Variants in CCBE1 observed in about 807,000 individuals in gnomAD.
The protein encoded by CCBE1 is collagen and calcium binding EGF domains 1.
In CCBE1, 37 loss-of-function variants were observed where a neutral mutation model predicts 50.0. The ratio of observed to expected loss-of-function variants is 0.74; its 90% confidence interval spans 0.57 to 0.97. CCBE1 has a LOEUF of 0.97. Ranked by LOEUF, CCBE1 falls within the 50% of genes least tolerant of loss-of-function variation. The pLI is 0.00. For missense variants in CCBE1, 538 were observed against 523.8 expected (o/e 1.03, Z -0.26); for synonymous variants, 234 against 203.7 (o/e 1.15, Z -1.27).
intron 2 of CCBE1, among the ~76,000 whole-genome samples, chr18:59,622,916 T>C (rs2144609775): frequency 6.6e-6 from 1 of 151,224 alleles, no homozygotes. Context: ...GAGGAAACAC[T>C]CTGGATGATA....
intron 2 of CCBE1, among the ~76,000 whole-genome samples, chr18:59,551,383 G>A (rs2144416115): frequency 6.6e-6 from 1 of 152,332 alleles, no homozygotes; most frequent in African/African-American, 2.4e-5. Context: ...AGAATCTCTG[G>A]ATGGGTGAGT....
rs559775207 is a variant in CCBE1, at chr18:59,505,361, C to T, written c.213-25123G>A. Reference sequence around the variant, plus strand: ...CTGAGGCCACAGGCTTATTAACTAACCTGTGAAATGTTCATCATGATAAAG... The same window carrying T: ...CTGAGGCCACAGGCTTATTAACTAATCTGTGAAATGTTCATCATGATAAAG... On this transcript the variant is annotated intron_variant, in intron 2 of 10. Transcript: ENST00000439986. Among the ~76,000 whole-genome samples, 27 of 152,292 alleles carry T rather than the reference C, an allele frequency of 1.8e-4. No individual in the cohort carries two copies. The South Asian group carries it at 5.0e-3, about 28-fold the overall frequency.
At chr18:59,598,759 A>G (rs916311322) in intron 2 of CCBE1, among the ~76,000 whole-genome samples, 6 of 152,198 alleles carry the variant, frequency 3.9e-5, no homozygotes, top group African/African-American at 1.2e-4. Context: ...TCAGATGGGC[A>G]TATGTCCCAA....
intron 5 of CCBE1, among the ~76,000 whole-genome samples, chr18:59,456,765 G>A (rs1481398152): frequency 6.6e-6 from 1 of 152,208 alleles, no homozygotes; most frequent in Non-Finnish European, 1.5e-5. Flanking sequence ...CGACTGCCCA[G>A]TCCTCTTCCT....
At chr18:59,469,097 T>C (rs1911897301) in intron 4 of CCBE1, among the ~76,000 whole-genome samples, 4 of 152,220 alleles carry the variant, frequency 2.6e-5, no homozygotes, top group Non-Finnish European at 5.9e-5. Flanking sequence ...CTGTCTGCCA[T>C]ATGGCTACTT....
intron 2 of CCBE1, among the ~76,000 whole-genome samples, chr18:59,644,701 CT>C (rs2054032357): frequency 6.6e-6 from 1 of 152,106 alleles, no homozygotes; most frequent in Non-Finnish European, 1.5e-5. Flanking sequence ...CACATGCCCC[CT>C]AATACCTCCT....
intron 3 of CCBE1, 94 bp downstream of exon 3, chr18:59,480,092 G>C: frequency 1.1e-6 from 1 of 876,628 alleles, no homozygotes; most frequent in South Asian, 1.5e-5. Context: ...ATCAGACACA[G>C]ATAAGACCTA....
chr18:59,683,254 T>C (rs1408473360), intron 2 of CCBE1, among the ~76,000 whole-genome samples: 1 of 152,154 alleles, frequency 6.6e-6, no homozygotes, highest in Admixed American at 6.5e-5. Flanking sequence ...AACGCAGACA[T>C]CACCTCAATG....
intron 2 of CCBE1, among the ~76,000 whole-genome samples, chr18:59,498,269 T>C (rs1472444828): frequency 1.3e-5 from 2 of 152,316 alleles, no homozygotes; most frequent in Middle Eastern, 3.4e-3. Flanking sequence ...TGATAAATTA[T>C]ACAATTTGAT....
chr18:59,529,171 C>T (rs1914948803), intron 2 of CCBE1, among the ~76,000 whole-genome samples: 1 of 132,920 alleles, frequency 7.5e-6, no homozygotes, highest in Non-Finnish European at 1.7e-5. Context: ...GCTGGAGTTG[C>T]TGAAATCCCC....
intron 2 of CCBE1, among the ~76,000 whole-genome samples, chr18:59,678,335 G>C (rs923469589): frequency 8.5e-5 from 13 of 152,270 alleles, no homozygotes; most frequent in African/African-American, 3.1e-4. Context: ...GGGATTGTTT[G>C]ATTCTAACTG....
intron 2 of CCBE1, among the ~76,000 whole-genome samples, chr18:59,602,896 T>C (rs1261503442): frequency 1.3e-5 from 2 of 152,250 alleles, no homozygotes; most frequent in Non-Finnish European, 2.9e-5. Context: ...GGGATCAGAC[T>C]CCAGCTTCAC....
In CCBE1 at chr18:59,462,083, G is replaced by A. The variant is rs569336509; in HGVS notation, c.553+4656C>T. Among the ~76,000 whole-genome samples the A allele has an allele frequency of 2.6e-5, 4 of 152,192 alleles. No individual in the cohort carries two copies. The East Asian group carries it at 7.7e-4, about 29-fold the overall frequency. ...GTTTTGAATGACAGTAAAGCTCAAT[G>A]ATATAACCAGCAGAATGCTCTTGAT... On this transcript the variant is annotated intron_variant, in intron 5 of 10. Coordinates refer to ENST00000439986, the MANE Select transcript of CCBE1 (RefSeq NM_133459.4).
At chr18:59,556,987 GA>G (rs2052665651) in intron 2 of CCBE1, among the ~76,000 whole-genome samples, 5 of 150,136 alleles carry the variant, frequency 3.3e-5, no homozygotes, top group Non-Finnish European at 7.4e-5. Flanking sequence ...TCTTGTGTGT[GA>G]TTTGGAAGAT....
intron 2 of CCBE1, among the ~76,000 whole-genome samples, chr18:59,680,736 C>A (rs1326334806): frequency 1.3e-5 from 2 of 151,408 alleles, no homozygotes; most frequent in African/African-American, 4.8e-5. Flanking sequence ...CAAAACAAAA[C>A]AAAAATGAAG....
At chr18:59,593,451 C>G (rs2053304039) in intron 2 of CCBE1, among the ~76,000 whole-genome samples, 2 of 152,206 alleles carry the variant, frequency 1.3e-5, no homozygotes, top group Non-Finnish European at 2.9e-5. Context: ...GTAATGCATT[C>G]CAGTACCAAC....
intron 2 of CCBE1, among the ~76,000 whole-genome samples, chr18:59,678,567 C>G (rs145132376): frequency 6.6e-6 from 1 of 152,282 alleles, no homozygotes; most frequent in African/African-American, 2.4e-5. Flanking sequence ...GAGTCTCACT[C>G]TGTTGCCCAG....
rs1909991510 is a variant in CCBE1 at position 59,432,891 on chromosome 18, T to C, written c.*3017A>G. On this transcript the variant is annotated 3_prime_UTR_variant, in exon 11 of 11. Transcript: ENST00000439986. Reference sequence around the variant, plus strand: ...GTCAAAGAAAAGGTATTAAAATTCTTCTTTTAAAAAAAATCATAGATGGAC... The same window carrying C: ...GTCAAAGAAAAGGTATTAAAATTCTCCTTTTAAAAAAAATCATAGATGGAC... 1 of 152,206 alleles carries C rather than the reference T, an allele frequency of 6.6e-6. No individual in the cohort carries two copies. Among genetic ancestry groups the C allele is most frequent in the Admixed American group, 6.5e-5 (1 of 15,282 alleles). 9.4% of individuals were successfully genotyped at this position (152,206 alleles called of 1,614,324 possible). A position where few individuals can be genotyped will look rare whatever the true frequency, so the allele number is the denominator to read the frequency against.
In CCBE1 at chr18:59,685,138, A is replaced by AT. The variant is rs376778357; in HGVS notation, c.212+11490dup. On this transcript the variant is annotated intron_variant, in intron 2 of 10. Coordinates refer to ENST00000439986, the MANE Select transcript of CCBE1 (RefSeq NM_133459.4). Reference sequence around the variant, plus strand: ...GCAGTGCAGCAACAAAGCAAAATATATTTTTTTTAATGCACCAAAGGTCAT... The same window carrying AT: ...GCAGTGCAGCAACAAAGCAAAATATATTTTTTTTTAATGCACCAAAGGTCAT... Among the ~76,000 whole-genome samples, 342 of 152,100 alleles carry AT rather than the reference A, an allele frequency of 2.2e-3. 3 individuals are homozygous for AT. Among genetic ancestry groups the AT allele is most frequent in the African/African-American group, 7.9e-3 (327 of 41,502 alleles).
Sources: allele counts gnomAD v4.1 joint callset (sites outside exome capture counted in the v4.1 genomes callset), GRCh38; gene constraint gnomAD v4.1.1; transcripts MANE v1.5; gene names NCBI Gene and HGNC (gene_info 2026-07-23, HGNC 2026-07-21).